Variants in CDK6 observed in about 807,000 individuals in gnomAD.
CDK6 encodes cyclin dependent kinase 6.
CDK6 carries 6 observed loss-of-function variants against 37.1 expected under a neutral mutation model. The ratio of observed to expected loss-of-function variants is 0.16; its 90% CI spans 0.09 to 0.32. CDK6 has a LOEUF of 0.32. Among genes scored for constraint, CDK6 ranks in the 10% least tolerant of loss-of-function variants. The pLI is 1.00. For missense variants in CDK6, 224 were observed against 418.9 expected (o/e 0.53, Z 4.06); for synonymous variants, 160 against 161.3 (o/e 0.99, Z 0.06).
At chr7:92,820,386 A>G (rs1313892063) in intron 2 of CDK6, among the ~76,000 whole-genome samples, 1 of 152,164 alleles carries the variant, frequency 6.6e-6, no homozygotes, top group East Asian at 1.9e-4. Context: ...TAGTCAGAAG[A>G]ATGTAAGCAC....
At chr7:92,660,781 G>A (rs893367120) in intron 5 of CDK6, among the ~76,000 whole-genome samples, 9 of 152,142 alleles carry the variant, frequency 5.9e-5, no homozygotes. Context: ...TGAGGACCCA[G>A]CTGGGGGGCT....
chr7:92,693,411 G>A (rs935137122), intron 4 of CDK6, among the ~76,000 whole-genome samples: 1 of 152,178 alleles, frequency 6.6e-6, no homozygotes, highest in Non-Finnish European at 1.5e-5. Context: ...TAGTAGCAAA[G>A]TGGGCTGGCG....
chr7:92,657,303 C>T (rs1318410984), intron 5 of CDK6, among the ~76,000 whole-genome samples: 1 of 152,148 alleles, frequency 6.6e-6, no homozygotes, highest in Non-Finnish European at 1.5e-5. Flanking sequence ...CTATTGTAAG[C>T]AGCTGATGGA....
chr7:92,639,280 G>A (rs1018658642), intron 5 of CDK6, among the ~76,000 whole-genome samples: 1 of 152,154 alleles, frequency 6.6e-6, no homozygotes, highest in Non-Finnish European at 1.5e-5. Context: ...GAACAATAGC[G>A]ACATTATTAA....
At chr7:92,674,937 G>A (rs1319927879) in intron 4 of CDK6, among the ~76,000 whole-genome samples, 1 of 152,162 alleles carries the variant, frequency 6.6e-6, no homozygotes, top group Non-Finnish European at 1.5e-5. Context: ...GCTGAAGCGA[G>A]TCTCGTGTCT....
intron 5 of CDK6, among the ~76,000 whole-genome samples, chr7:92,644,594 T>C (rs995930119): frequency 2.0e-5 from 3 of 152,266 alleles, no homozygotes; most frequent in South Asian, 2.1e-4. Flanking sequence ...TCCTGATGCA[T>C]GTAATAAGTG....
rs113399614 is a variant in CDK6 at position 92,734,190 on chromosome 7, TC to T, written c.370-8398del. ...CATTTACTCAAGTCTTGTTCTGGGC[TC>T]CTCAGTAAAGTCGTGTCTTTTTAAA... is the stretch of plus-strand genomic sequence containing the variant. On this transcript the variant is annotated intron_variant, in intron 3 of 7. Coordinates refer to ENST00000424848, the MANE Select transcript of CDK6 (RefSeq NM_001145306.2). Among the ~76,000 whole-genome samples the T allele has an allele frequency of 1.6e-3, 240 of 152,350 alleles. 1 individual carries two copies. The highest frequency in any genetic ancestry group is 5.3e-3 in the African/African-American group (220 of 41,582).
chr7:92,686,259 TGTA>T (rs1193151011), intron 4 of CDK6, among the ~76,000 whole-genome samples: 3 of 152,180 alleles, frequency 2.0e-5, no homozygotes, highest in Admixed American at 6.6e-5. Context: ...GTACCCAATG[TGTA>T]GTCTTTTATC....
chr7:92,652,634 C>T (rs1796601932), intron 5 of CDK6, among the ~76,000 whole-genome samples: 1 of 152,142 alleles, frequency 6.6e-6, no homozygotes, highest in African/African-American at 2.4e-5. Context: ...TAAACCTCAT[C>T]CAGACGCTGT....
At chr7:92,814,936 C>G (rs1170268237) in intron 2 of CDK6, among the ~76,000 whole-genome samples, 2 of 151,848 alleles carry the variant, frequency 1.3e-5, no homozygotes, top group African/African-American at 4.8e-5. Flanking sequence ...TGTATATGTA[C>G]ATAATTTTTA....
At chr7:92,648,736 G>A (rs1346625151) in intron 5 of CDK6, among the ~76,000 whole-genome samples, 35 of 152,152 alleles carry the variant, frequency 2.3e-4, no homozygotes. Context: ...CATTATCTGT[G>A]TCAGAGAAGA....
chr7:92,817,965 T>A (rs1801071517), intron 2 of CDK6, among the ~76,000 whole-genome samples: 2 of 151,914 alleles, frequency 1.3e-5, no homozygotes, highest in African/African-American at 2.4e-5. Context: ...AAAACTCTGA[T>A]GAGAGAAATT....
At chr7:92,651,402 CAG>C (rs1419151043) in intron 5 of CDK6, among the ~76,000 whole-genome samples, 2 of 152,172 alleles carry the variant, frequency 1.3e-5, no homozygotes, top group Admixed American at 6.5e-5. Context: ...AGATGGCTAA[CAG>C]GGGTGAATGA....
rs1307176041 is a variant in CDK6 at position 92,607,693 on chromosome 7, T to C, written c.*7447A>G. On this transcript the variant is annotated 3_prime_UTR_variant, in exon 8 of 8. Coordinates refer to ENST00000424848, the MANE Select transcript of CDK6 (RefSeq NM_001145306.2). Reference sequence around the variant, plus strand: ...TAACATACATGAATAATAATAGAAATAATTTATGCAAATGTAGAACAACTT... The same window carrying C: ...TAACATACATGAATAATAATAGAAACAATTTATGCAAATGTAGAACAACTT... The C allele has an allele frequency of 1.3e-5, 3 of 232,686 alleles. No individual in the cohort carries two copies. Among genetic ancestry groups the C allele is most frequent in the Non-Finnish European group, 2.5e-5 (3 of 117,892 alleles). 14.4% of individuals were successfully genotyped at this position (232,686 alleles called of 1,614,324 possible).
intron 5 of CDK6, among the ~76,000 whole-genome samples, chr7:92,667,844 A>C (rs893122491): frequency 1.1e-4 from 16 of 152,212 alleles, no homozygotes; most frequent in South Asian, 2.1e-4. Context: ...GAGCCACTGC[A>C]CCCGGCCAAA....
At chr7:92,755,150 T>G (rs764788572) in intron 3 of CDK6, among the ~76,000 whole-genome samples, 1 of 152,094 alleles carries the variant, frequency 6.6e-6, no homozygotes. Flanking sequence ...CTGGTCCCTT[T>G]GAAGGGTTAA....
At chr7:92,645,233 C>T (rs867625314) in intron 5 of CDK6, among the ~76,000 whole-genome samples, 1 of 152,178 alleles carries the variant, frequency 6.6e-6, no homozygotes, top group African/African-American at 2.4e-5. Context: ...GGATAATTCT[C>T]TTAATGAAGT....
chr7:92,607,823 G>T lies in CDK6; in HGVS notation c.*7317C>A. On this transcript the variant is annotated 3_prime_UTR_variant, in exon 8 of 8. Transcript: ENST00000424848. ...TACTACAGGTAATAGGAAAACAAAT[G>T]AATAAAAAGTGAGGAACTATGATAT... 4.3e-6 allele frequency: 1 copy of T among 232,592 alleles called. No homozygotes were observed. The highest frequency in any genetic ancestry group is 8.5e-6 in the Non-Finnish European group (1 of 117,476). The allele number at this position is 232,592 out of a possible 1,614,324, so 14.4% of individuals were successfully genotyped here.
At chr7:92,715,425 C>T (rs535708343) in intron 4 of CDK6, among the ~76,000 whole-genome samples, 1 of 152,288 alleles carries the variant, frequency 6.6e-6, no homozygotes, top group African/African-American at 2.4e-5. Context: ...CCCCTTTTCT[C>T]TTTTGGATGT....
Sources: gnomAD v4.1 joint callset for allele counts (sites outside exome capture counted in the v4.1 genomes callset) on GRCh38, gnomAD v4.1.1 for gene constraint, MANE v1.5 for transcripts, NCBI Gene and HGNC (gene_info 2026-07-23, HGNC 2026-07-21) for gene names.